The following HYDIN variants were observed in gnomAD, a reference collection of about 807,000 sequenced individuals.
HYDIN encodes axonemal central pair apparatus protein HYDIN.
Under a neutral mutation model 403.9 loss-of-function variants are expected in HYDIN, and 132 were observed. The ratio of observed to expected loss-of-function variants is 0.33; its 90% confidence interval spans 0.28 to 0.38. The LOEUF is 0.38. Ranked by LOEUF, HYDIN falls within the 10% of genes least tolerant of loss-of-function variation. The pLI, the probability that HYDIN is intolerant of heterozygous loss-of-function variation, is 1.00. For missense variants in HYDIN, 2,827 were observed against 5,009.5 expected (o/e 0.56, Z 13.15); for synonymous variants, 1,202 against 1,891.7 (o/e 0.64, Z 9.46).
chr16:71,207,767 G>A (rs768498028), intron 1 of HYDIN, among the ~76,000 whole-genome samples: 14 of 152,264 alleles, frequency 9.2e-5, no homozygotes, highest in Middle Eastern at 3.4e-3. Flanking sequence ...AGCAGAGGCT[G>A]CAATACTAAT....
intron 80 of HYDIN, among the ~76,000 whole-genome samples, chr16:70,830,563 A>G (rs1052056414): frequency 6.9e-6 from 1 of 144,170 alleles, no homozygotes; most frequent in East Asian, 2.1e-4. Context: ...TGACAGAGGA[A>G]GAGAGATTAA....
intron 1 of HYDIN, among the ~76,000 whole-genome samples, chr16:71,190,887 A>G (rs911987657): frequency 6.6e-6 from 1 of 152,184 alleles, no homozygotes; most frequent in Non-Finnish European, 1.5e-5. Flanking sequence ...GTTCTGTAAG[A>G]ATACAATTAA....
chr16:70,901,764 T>G (rs1284922613), intron 52 of HYDIN, among the ~76,000 whole-genome samples: 2 of 152,038 alleles, frequency 1.3e-5, no homozygotes, highest in Non-Finnish European at 2.9e-5. Flanking sequence ...TTTTGTATTT[T>G]TAGTACAGAC....
intron 45 of HYDIN, among the ~76,000 whole-genome samples, chr16:70,931,208 C>CTTTTTT (rs2077313550): frequency 1.3e-4 from 10 of 78,258 alleles, no homozygotes; most frequent in Non-Finnish European, 1.8e-4. Context: ...TCTCTTTCTT[C>CTTTTTT]TGTTTTTTTT....
intron 67 of HYDIN, among the ~76,000 whole-genome samples, chr16:70,865,803 A>G: frequency 6.6e-6 from 1 of 152,184 alleles, no homozygotes; most frequent in Non-Finnish European, 1.5e-5. Context: ...TTCTAAGCTT[A>G]GATGGATCCT....
chr16:70,993,267 G>A (rs1293015589), intron 23 of HYDIN, among the ~76,000 whole-genome samples: 1 of 152,152 alleles, frequency 6.6e-6, no homozygotes, highest in Non-Finnish European at 1.5e-5. Context: ...TACCATCTTC[G>A]TGATTTGTAA....
chr16:70,938,225 C>A (rs2077555170), intron 44 of HYDIN, among the ~76,000 whole-genome samples: 1 of 152,240 alleles, frequency 6.6e-6, no homozygotes, highest in African/African-American at 2.4e-5. Context: ...CCTGGATCAC[C>A]AGCTGTGGAC....
intron 58 of HYDIN, among the ~76,000 whole-genome samples, chr16:70,888,675 G>T (rs1284402506): frequency 6.6e-6 from 1 of 151,990 alleles, no homozygotes; most frequent in African/African-American, 2.4e-5. Context: ...GGTGGTGGGG[G>T]ACACTTGTTA....
intron 67 of HYDIN, among the ~76,000 whole-genome samples, chr16:70,863,849 G>A (rs1254230371): frequency 6.6e-6 from 1 of 152,036 alleles, no homozygotes; most frequent in Non-Finnish European, 1.5e-5. Flanking sequence ...ATGCCACTGG[G>A]CCACAGAGCG....
chr16:70,825,660 C>T (rs2036547035), intron 83 of HYDIN, among the ~76,000 whole-genome samples: 1 of 146,148 alleles, frequency 6.8e-6, no homozygotes, highest in South Asian at 2.1e-4. Context: ...AGAACATTTT[C>T]ATAATCCCTA....
intron 55 of HYDIN, chr16:70,894,089 C>T (rs1420004695): frequency 1.4e-4 from 24 of 169,548 alleles, no homozygotes; most frequent in East Asian, 3.4e-4. Flanking sequence ...CTCCCCCTCC[C>T]GGCCTCTTCC....
At chr16:70,834,911 CATATATACACACATATATGT>C (rs1237219616) in intron 78 of HYDIN, among the ~76,000 whole-genome samples, 24 of 143,356 alleles carry the variant, frequency 1.7e-4, no homozygotes, top group Admixed American at 6.3e-4. Context: ...TACACACACA[CATATATACACACATATATGT>C]ATATATACAC....
chr16:71,211,714 A>G (rs974243085), intron 1 of HYDIN, among the ~76,000 whole-genome samples: 6 of 152,088 alleles, frequency 3.9e-5, no homozygotes, highest in African/African-American at 1.4e-4. Context: ...AAGAATACCT[A>G]CAGATAATAT....
At chr16:71,221,359 T>C (rs2089191492) in intron 1 of HYDIN, among the ~76,000 whole-genome samples, 1 of 152,086 alleles carries the variant, frequency 6.6e-6, no homozygotes, top group Non-Finnish European at 1.5e-5. Context: ...CCTCAAAGTA[T>C]GATTTTTACT....
intron 15 of HYDIN, among the ~76,000 whole-genome samples, chr16:71,065,250 G>A (rs923455989): frequency 9.2e-5 from 14 of 152,178 alleles, no homozygotes; most frequent in Non-Finnish European, 1.5e-4. Context: ...GCCCCCCAAG[G>A]ACTAGCGACA....
At chr16:70,923,686 T>C (rs1005370604) in intron 45 of HYDIN, among the ~76,000 whole-genome samples, 11 of 142,722 alleles carry the variant, frequency 7.7e-5, no homozygotes, top group African/African-American at 2.6e-4. Context: ...CTGGGTGTGG[T>C]GGCAGGTGCC....
intron 1 of HYDIN, among the ~76,000 whole-genome samples, chr16:71,187,332 A>G (rs1008751538): frequency 6.6e-6 from 1 of 152,196 alleles, no homozygotes; most frequent in Non-Finnish European, 1.5e-5. Flanking sequence ...ACAGGGCTTC[A>G]CAGCTGGACA....
chr16:71,129,495 C>T, intron 9 of HYDIN, 145 bp downstream of exon 9: 3 of 641,620 alleles, frequency 4.7e-6, no homozygotes, highest in South Asian at 4.1e-5. Context: ...TATATAATGT[C>T]TCACAGTGAT....
At chr16:70,822,409 C>A (rs2036326465) in intron 83 of HYDIN, among the ~76,000 whole-genome samples, 1 of 151,696 alleles carries the variant, frequency 6.6e-6, no homozygotes, top group African/African-American at 2.4e-5. Flanking sequence ...TATGGATGAG[C>A]AAAGGAAGTG....
Sources: allele counts gnomAD v4.1 joint callset (sites outside exome capture counted in the v4.1 genomes callset), GRCh38; gene constraint gnomAD v4.1.1; transcripts MANE v1.5; gene names NCBI Gene and HGNC (gene_info 2026-07-23, HGNC 2026-07-21).